PRIM2: variants seen among roughly 807,000 people sequenced by gnomAD.
The protein encoded by PRIM2 is DNA primase subunit 2.
A neutral mutation model predicts 67.3 loss-of-function variants in PRIM2; 39 were observed. The ratio of observed to expected loss-of-function variants is 0.58; its 90% CI spans 0.45 to 0.76. The LOEUF is 0.76. Among genes scored for constraint, PRIM2 ranks in the 30% least tolerant of loss-of-function variants. PRIM2 has a pLI of 0.00. For missense variants in PRIM2, 398 were observed against 598.7 expected (o/e 0.66, Z 3.50); for synonymous variants, 143 against 198.7 (o/e 0.72, Z 2.36).
At chr6:57,626,605 G>A (rs1776952161) in intron 12 of PRIM2, among the ~76,000 whole-genome samples, 2 of 149,676 alleles carry the variant, frequency 1.3e-5, no homozygotes, top group Non-Finnish European at 1.5e-5. Context: ...AACTTTTTGT[G>A]AAGATGAAAA....
the PRIM2 span, among the ~76,000 whole-genome samples, chr6:57,292,306 T>C: frequency 6.6e-6 from 1 of 152,138 alleles, no homozygotes; most frequent in Non-Finnish European, 1.5e-5. Flanking sequence ...GAAGGACCTC[T>C]TCAAGGACAA....
At chr6:57,493,173 G>GAGT (rs1246532962) in intron 7 of PRIM2, among the ~76,000 whole-genome samples, 1 of 152,114 alleles carries the variant, frequency 6.6e-6, no homozygotes, top group Non-Finnish European at 1.5e-5. Context: ...TCCTATTAGT[G>GAGT]AGTAGCATCT....
intron 7 of PRIM2, 58 bp downstream of exon 7, chr6:57,382,226 C>T (rs1769988823): frequency 1.3e-6 from 2 of 1,547,856 alleles, no homozygotes; most frequent in East Asian, 2.3e-5. Flanking sequence ...TTATATACCC[C>T]TGGTAGTTTT....
At chr6:57,621,351 C>T (rs1776850432) in intron 12 of PRIM2, among the ~76,000 whole-genome samples, 1 of 152,120 alleles carries the variant, frequency 6.6e-6, no homozygotes. Context: ...GCCCTCATGG[C>T]CTCATGATGT....
At chr6:57,306,954 A>T in the PRIM2 span, among the ~76,000 whole-genome samples, 1 of 152,162 alleles carries the variant, frequency 6.6e-6, no homozygotes. Context: ...TAATCCCAGC[A>T]CTTTGGGAGA....
the PRIM2 span, among the ~76,000 whole-genome samples, chr6:57,232,222 T>C: frequency 1.3e-5 from 2 of 152,232 alleles, no homozygotes; most frequent in Non-Finnish European, 1.5e-5. Flanking sequence ...CGTTGATGAG[T>C]CCAGATTCTG....
At chr6:57,635,706 C>T (rs1328342207) in intron 13 of PRIM2, among the ~76,000 whole-genome samples, 6 of 152,038 alleles carry the variant, frequency 3.9e-5, no homozygotes, top group African/African-American at 1.4e-4. Flanking sequence ...ACAATTAAGC[C>T]CTTTTATAAT....
chr6:57,507,888 C>T (rs1774282176), intron 8 of PRIM2, among the ~76,000 whole-genome samples: 1 of 152,172 alleles, frequency 6.6e-6, no homozygotes, highest in East Asian at 1.9e-4. Flanking sequence ...AAGGAAAAAC[C>T]TATCATTACT....
chr6:57,472,437 A>G (rs1773360769), intron 7 of PRIM2, among the ~76,000 whole-genome samples: 1 of 152,132 alleles, frequency 6.6e-6, no homozygotes, highest in South Asian at 2.1e-4. Flanking sequence ...CAGTTTGTCA[A>G]AACGGGCAAA....
At chr6:57,510,182 A>G (rs1774335621) in intron 8 of PRIM2, among the ~76,000 whole-genome samples, 1 of 152,150 alleles carries the variant, frequency 6.6e-6, no homozygotes, top group Admixed American at 6.5e-5. Context: ...AAGCTTGTAA[A>G]GTGATGTTCA....
At chr6:57,602,049 T>G (rs1225727459) in intron 11 of PRIM2, among the ~76,000 whole-genome samples, 4 of 146,332 alleles carry the variant, frequency 2.7e-5, no homozygotes, top group Non-Finnish European at 4.5e-5. Flanking sequence ...TAGATCTATA[T>G]ATAAACATAG....
intron 5 of PRIM2, among the ~76,000 whole-genome samples, chr6:57,345,144 A>G (rs1190205778): frequency 1.4e-5 from 2 of 146,992 alleles, no homozygotes; most frequent in Admixed American, 1.3e-4. Context: ...ATAATGATAT[A>G]TATCTATTTC....
At chr6:57,411,747 C>G (rs1174766471) in intron 7 of PRIM2, among the ~76,000 whole-genome samples, 3 of 152,072 alleles carry the variant, frequency 2.0e-5, no homozygotes, top group African/African-American at 7.2e-5. Flanking sequence ...GCTTTACTGC[C>G]AATGAGGGAT....
At chr6:57,642,604 G>A (rs1205803033) in intron 13 of PRIM2, among the ~76,000 whole-genome samples, 6 of 151,018 alleles carry the variant, frequency 4.0e-5, no homozygotes, top group Non-Finnish European at 5.9e-5. Context: ...CACCATGCCC[G>A]GCTAATTTTT....
chr6:57,399,107 T>G (rs1448526379), intron 7 of PRIM2, among the ~76,000 whole-genome samples: 1 of 152,120 alleles, frequency 6.6e-6, no homozygotes, highest in African/African-American at 2.4e-5. Context: ...TTGTTACATA[T>G]GTATACATGT....
chr6:57,367,792 T>A (rs2127319964), intron 5 of PRIM2, among the ~76,000 whole-genome samples: 1 of 152,346 alleles, frequency 6.6e-6, no homozygotes, highest in Non-Finnish European at 1.5e-5. Context: ...TCTTACTTCA[T>A]GATCTAGGAC....
intron 7 of PRIM2, among the ~76,000 whole-genome samples, chr6:57,477,165 T>TTTTAAA (rs1773495816): frequency 6.6e-6 from 1 of 152,050 alleles, no homozygotes; most frequent in African/African-American, 2.4e-5. Context: ...TGATTTTTAA[T>TTTTAAA]TTTTGTTTTA....
At chr6:57,323,418 GA>G (rs1767728955) in intron 3 of PRIM2, among the ~76,000 whole-genome samples, 1 of 152,068 alleles carries the variant, frequency 6.6e-6, no homozygotes, top group Admixed American at 6.6e-5. Context: ...GGCTGGATAA[GA>G]AGAAAATTAA....
chr6:57,494,864 T>C (rs1773970708), intron 7 of PRIM2, among the ~76,000 whole-genome samples: 1 of 152,240 alleles, frequency 6.6e-6, no homozygotes, highest in Non-Finnish European at 1.5e-5. Context: ...TAATGTTGGA[T>C]CAGAAGGCTG....
Sources: allele counts gnomAD v4.1 joint callset (sites outside exome capture counted in the v4.1 genomes callset), GRCh38; gene constraint gnomAD v4.1.1; transcripts MANE v1.5; gene names NCBI Gene and HGNC (gene_info 2026-07-23, HGNC 2026-07-21).